The following PARP15 variants were observed in gnomAD, a reference collection of about 807,000 sequenced individuals.
PARP15 encodes the protein protein mono-ADP-ribosyltransferase PARP15.
In PARP15, 50 loss-of-function variants were observed where a neutral mutation model predicts 62.1. The observed-to-expected ratio is 0.81, with a 90% confidence interval of 0.64 to 1.02. The LOEUF (loss-of-function observed/expected upper bound fraction) is 1.02, where lower values mean the gene tolerates loss of function less well. PARP15 is among the 50% of genes least tolerant of loss of function. The probability of loss-of-function intolerance (pLI) is 0.00; values close to 1 mark genes in which losing one functional copy is unlikely to be tolerated. For synonymous variants in PARP15, 309 were observed against 293.1 expected, an observed-to-expected ratio of 1.05 and a Z score of -0.55; for missense variants, 820 against 826.5, an observed-to-expected ratio of 0.99 and a Z score of 0.10.
At chr3:122,615,182 A>G in intron 4 of PARP15, 2 of 1,237,496 alleles carry the variant, frequency 1.6e-6, no homozygotes, top group Non-Finnish European at 2.1e-6. Context: ...CCATTGCTCA[A>G]TTTTATCACT....
chr3:122,629,420 C>T (rs898238529), intron 9 of PARP15, among the ~76,000 whole-genome samples: 4 of 152,160 alleles, frequency 2.6e-5, no homozygotes, highest in Admixed American at 6.5e-5. Flanking sequence ...CATGAGCCTA[C>T]GTGCTCAGCT....
chr3:122,634,995 A>G, intron 10 of PARP15, 25 bp from the exon 11 acceptor site: 1 of 1,611,414 alleles, frequency 6.2e-7, no homozygotes, highest in Non-Finnish European at 8.5e-7. Context: ...CCTTTCTGAA[A>G]TATTTTGTCT....
intron 5 of PARP15, 135 bp from the exon 6 acceptor site, chr3:122,616,880 G>A: frequency 1.1e-6 from 1 of 896,450 alleles, no homozygotes; most frequent in East Asian, 2.5e-5. Flanking sequence ...GAGGCCAGGA[G>A]ATGTGGCAAT....
intron 8 of PARP15, among the ~76,000 whole-genome samples, chr3:122,625,409 A>G (rs898870569): frequency 2.0e-5 from 3 of 152,098 alleles, no homozygotes; most frequent in African/African-American, 7.2e-5. Context: ...GTCCGCCACC[A>G]TGGCTGGCTA....
chr3:122,625,754 A>G (rs1936681887), intron 8 of PARP15, among the ~76,000 whole-genome samples: 1 of 152,176 alleles, frequency 6.6e-6, no homozygotes, highest in African/African-American at 2.4e-5. Context: ...AGCCTCCAAG[A>G]TTATGAGAAC....
chr3:122,577,859 G>C lies in PARP15; in HGVS notation c.186+6G>C, dbSNP rs568984448. 3,965 of 1,539,982 alleles carry C rather than the reference G, an allele frequency of 2.6e-3. 5 individuals are homozygous for C. The highest frequency in any genetic ancestry group is 6.9e-3 in the Middle Eastern group (40 of 5,838). ...GCTCTTCCTCCCGGAGTATGGTGAGGAGCGCGGGGGACGGGTGCGGGAAGG... is the reference window on the plus strand; with the variant it reads ...GCTCTTCCTCCCGGAGTATGGTGAGCAGCGCGGGGGACGGGTGCGGGAAGG... On this transcript the variant is annotated splice_donor_region_variant and intron_variant, in intron 1 of 11. Coordinates refer to ENST00000464300, the MANE Select transcript of PARP15 (RefSeq NM_001113523.3).
intron 7 of PARP15, 48 bp from the exon 8 acceptor site, chr3:122,621,396 T>C: frequency 6.5e-7 from 1 of 1,539,852 alleles, no homozygotes; most frequent in Non-Finnish European, 8.7e-7. Context: ...AAGTGTTGCC[T>C]CCAGTAATTA....
At chr3:122,607,456 A>G (rs145102092) in intron 2 of PARP15, among the ~76,000 whole-genome samples, 2,465 of 152,268 alleles carry the variant, frequency 0.016, 64 homozygotes, top group African/African-American at 0.054. Flanking sequence ...TGGTGATATG[A>G]AGGTTGTTAT....
At chr3:122,631,305 C>T (rs940605114) in intron 9 of PARP15, among the ~76,000 whole-genome samples, 23 of 152,198 alleles carry the variant, frequency 1.5e-4, no homozygotes, top group Admixed American at 9.2e-4. Flanking sequence ...CCCTGTGTCA[C>T]GAGAACTTAC....
intron 4 of PARP15, chr3:122,615,453 A>G (rs1466273810): frequency 3.2e-6 from 4 of 1,243,380 alleles, no homozygotes; most frequent in African/African-American, 1.5e-5. Context: ...AGGAGATTAG[A>G]ATTATGGGGC....
Position 122,636,833 on chromosome 3 carries a change from A to G in PARP15, c.*733A>G, listed in dbSNP as rs1179325317. 2 of 152,122 alleles carry G rather than the reference A, an allele frequency of 1.3e-5. No homozygotes were observed. Among genetic ancestry groups the G allele is most frequent in the Admixed American group, 6.6e-5 (1 of 15,248 alleles). The allele number at this position is 152,122 out of a possible 1,614,324, so 9.4% of individuals were successfully genotyped here. Reference sequence around the variant, plus strand: ...GAAGGCTTGTCTGGGCTGGAGGTCTATTTCCAAGGTGAATCACTCACATAC... The same window carrying G: ...GAAGGCTTGTCTGGGCTGGAGGTCTGTTTCCAAGGTGAATCACTCACATAC... On this transcript the variant is annotated 3_prime_UTR_variant, in exon 12 of 12. Coordinates refer to ENST00000464300, the MANE Select transcript of PARP15 (RefSeq NM_001113523.3).
chr3:122,601,826 A>T (rs1007058729), intron 1 of PARP15, among the ~76,000 whole-genome samples: 9 of 152,212 alleles, frequency 5.9e-5, no homozygotes, highest in African/African-American at 9.6e-5. Flanking sequence ...TGGGAAGAGT[A>T]TGTTTAGTTT....
intron 1 of PARP15, among the ~76,000 whole-genome samples, chr3:122,579,449 A>T (rs748717601): frequency 4.6e-5 from 7 of 152,168 alleles, no homozygotes; most frequent in Non-Finnish European, 8.8e-5. Flanking sequence ...TAATGAAGAT[A>T]TAAAAGAGTT....
intron 9 of PARP15, among the ~76,000 whole-genome samples, chr3:122,629,259 C>T (rs1286209652): frequency 6.6e-6 from 1 of 152,136 alleles, no homozygotes; most frequent in African/African-American, 2.4e-5. Context: ...GCCTCCCAGG[C>T]TCAAGCAGTT....
chr3:122,630,665 T>C (rs1937012245), intron 9 of PARP15, among the ~76,000 whole-genome samples: 1 of 152,050 alleles, frequency 6.6e-6, no homozygotes, highest in Non-Finnish European at 1.5e-5. Context: ...GGTAACAGAG[T>C]GAGACTCTGT....
chr3:122,618,372 A>G (rs1936124081), intron 6 of PARP15, among the ~76,000 whole-genome samples: 1 of 152,202 alleles, frequency 6.6e-6, no homozygotes, highest in African/African-American at 2.4e-5. Context: ...CGTTGGAAGG[A>G]AAACAACTAT....
intron 1 of PARP15, among the ~76,000 whole-genome samples, chr3:122,580,893 C>T (rs942054721): frequency 1.3e-5 from 2 of 152,164 alleles, no homozygotes; most frequent in African/African-American, 4.8e-5. Flanking sequence ...GTAAACCATG[C>T]TGGTCCTGGA....
At chr3:122,605,883 A>C in intron 1 of PARP15, 53 bp from the exon 2 acceptor site, 1 of 1,536,640 alleles carries the variant, frequency 6.5e-7, no homozygotes, top group Non-Finnish European at 8.8e-7. Context: ...ACCTGGCCTA[A>C]GAGAACTCTT....
intron 3 of PARP15, among the ~76,000 whole-genome samples, chr3:122,611,701 G>A (rs1300759122): frequency 2.0e-5 from 3 of 151,172 alleles, no homozygotes; most frequent in African/African-American, 7.3e-5. Flanking sequence ...ATGACTTTAT[G>A]CATATTTATT....
Sources: gnomAD v4.1 joint callset for allele counts (sites outside exome capture counted in the v4.1 genomes callset) on GRCh38, gnomAD v4.1.1 for gene constraint, MANE v1.5 for transcripts, NCBI Gene and HGNC (gene_info 2026-07-23, HGNC 2026-07-21) for gene names.